Variants in COPG2 observed in about 807,000 individuals in gnomAD.
COPG2 encodes the protein coat protein complex I subunit gamma 2, also known as coatomer subunit gamma-2.
A neutral mutation model predicts 46.3 loss-of-function variants in COPG2; 37 were observed. The observed-to-expected ratio is 0.80, with a 90% confidence interval of 0.61 to 1.05. The LOEUF (loss-of-function observed/expected upper bound fraction) is 1.05, where lower values mean the gene tolerates loss of function less well. COPG2 is among the 50% of genes least tolerant of loss of function. The pLI is 0.00. For missense variants in COPG2, 427 were observed against 387.8 expected (o/e 1.10, Z -0.85); for synonymous variants, 159 against 129.7 (o/e 1.23, Z -1.53).
intron 5 of COPG2, chr7:130,645,418 T>C (rs1316782477): frequency 9.6e-5 from 45 of 470,704 alleles, no homozygotes; most frequent in Non-Finnish European, 1.7e-4. Context: ...TCGGTGTCCA[T>C]GGGGTGGAGC....
At chr7:130,585,781 T>C (rs982380776) in intron 9 of COPG2, among the ~76,000 whole-genome samples, 3 of 152,020 alleles carry the variant, frequency 2.0e-5, no homozygotes, top group Non-Finnish European at 4.4e-5. Context: ...ACCTTACTCC[T>C]GCAAGAATGG....
intron 5 of COPG2, among the ~76,000 whole-genome samples, chr7:130,620,546 C>T (rs1795021492): frequency 6.6e-6 from 1 of 152,142 alleles, no homozygotes; most frequent in Non-Finnish European, 1.5e-5. Context: ...CTTTTCTTTC[C>T]TCTCATTGTC....
intron 5 of COPG2, among the ~76,000 whole-genome samples, chr7:130,634,527 G>T (rs1554455800): frequency 6.6e-6 from 1 of 152,100 alleles, no homozygotes; most frequent in African/African-American, 2.4e-5. Context: ...GTCTATTATT[G>T]ATATATAGGA....
At chr7:130,590,699 G>A (rs1243839292) in intron 9 of COPG2, among the ~76,000 whole-genome samples, 113 of 151,800 alleles carry the variant, frequency 7.4e-4, no homozygotes, top group African/African-American at 1.6e-3. Flanking sequence ...AGTGAGGAGC[G>A]TCTCTGCCTG....
At chr7:130,639,102 T>C (rs13243136) in intron 5 of COPG2, among the ~76,000 whole-genome samples, 64,457 of 151,926 alleles carry the variant, frequency 0.42, 16,592 homozygotes, top group East Asian at 0.59. Flanking sequence ...GGTACCTCGG[T>C]TGGAAATGCA....
At chr7:130,545,285 C>T (rs887033680) in intron 20 of COPG2, among the ~76,000 whole-genome samples, 6 of 152,058 alleles carry the variant, frequency 3.9e-5, no homozygotes, top group African/African-American at 1.4e-4. Context: ...CATTCAAATC[C>T]TCATCTGTCT....
intron 9 of COPG2, among the ~76,000 whole-genome samples, chr7:130,609,408 G>A (rs1377194303): frequency 6.6e-6 from 1 of 152,160 alleles, no homozygotes; most frequent in African/African-American, 2.4e-5. Context: ...TTTGCCTGCT[G>A]CCATCCATTC....
chr7:130,567,865 GA>G (rs1584975858), intron 9 of COPG2, among the ~76,000 whole-genome samples: 1 of 151,674 alleles, frequency 6.6e-6, no homozygotes, highest in Non-Finnish European at 1.5e-5. Flanking sequence ...CCTCCTTAAA[GA>G]AAAAAATCTC....
At chr7:130,530,591 G>A (rs907146371) in intron 20 of COPG2, among the ~76,000 whole-genome samples, 1 of 152,298 alleles carries the variant, frequency 6.6e-6, no homozygotes, top group African/African-American at 2.4e-5. Context: ...GACTGAGCCC[G>A]ATGAAGCAAT....
At chr7:130,637,268 C>T in intron 5 of COPG2, among the ~76,000 whole-genome samples, 1 of 152,152 alleles carries the variant, frequency 6.6e-6, no homozygotes, top group East Asian at 1.9e-4. Context: ...GAATGTTGGC[C>T]TGTCTTGCTA....
intron 20 of COPG2, among the ~76,000 whole-genome samples, chr7:130,526,226 G>A (rs1006783842): frequency 3.9e-4 from 60 of 152,262 alleles, no homozygotes; most frequent in Middle Eastern, 3.4e-3. Context: ...AGATCTGGAG[G>A]AGCAACAGAA....
At chr7:130,512,511 G>T (rs1788862995) in intron 20 of COPG2, among the ~76,000 whole-genome samples, 1 of 151,984 alleles carries the variant, frequency 6.6e-6, no homozygotes, top group Non-Finnish European at 1.5e-5. Context: ...CGGGTGCAGT[G>T]GCTCACACTT....
rs939188322 is a variant in COPG2, at chr7:130,555,130, C to T, written c.1131G>A (p.Val377=). 5.0e-6 allele frequency: 2 copies of T among 398,232 alleles called. No individual in the cohort carries two copies. The allele number at this position is 398,232 out of a possible 1,614,324, so 24.7% of individuals were successfully genotyped here. A position where few individuals can be genotyped will look rare whatever the true frequency, so the allele number is the denominator to read the frequency against. The change falls in exon 13 of 24, where the codon GTG becomes GTA. Residue 377 remains valine, a splice_region_variant and synonymous_variant. Coordinates refer to ENST00000425248, the MANE Select transcript of COPG2 (RefSeq NM_012133.6). The part of the protein sequence containing the change: ...FVSEISDEFK[V]VVVQAISALC... ...GAGCACTAATTGCCTGTACAACCAC[C>T]ACCTGTAGAAAAACAAAAAGAATAT...
At chr7:130,580,477 G>A (rs1243968993) in intron 9 of COPG2, among the ~76,000 whole-genome samples, 7 of 122,720 alleles carry the variant, frequency 5.7e-5, no homozygotes, top group South Asian at 3.0e-4. Flanking sequence ...CTAGCAGAAG[G>A]CAAGAAATAA....
intron 4 of COPG2, among the ~76,000 whole-genome samples, chr7:130,661,454 A>G (rs1254984504): frequency 6.6e-6 from 1 of 152,212 alleles, no homozygotes; most frequent in Non-Finnish European, 1.5e-5. Flanking sequence ...TTCCTCTAAT[A>G]AACACCTAAT....
chr7:130,596,182 G>A (rs1234286697), intron 9 of COPG2, among the ~76,000 whole-genome samples: 1 of 152,212 alleles, frequency 6.6e-6, no homozygotes, highest in Admixed American at 6.5e-5. Flanking sequence ...TTCCTGGGAA[G>A]TCTTCTGTTC....
chr7:130,622,274 C>T (rs1795053523), intron 5 of COPG2, among the ~76,000 whole-genome samples: 1 of 152,278 alleles, frequency 6.6e-6, no homozygotes, highest in South Asian at 2.1e-4. Flanking sequence ...CCTGGCTGAA[C>T]GTTAACCCCA....
intron 20 of COPG2, among the ~76,000 whole-genome samples, chr7:130,521,906 G>A (rs1209371342): frequency 2.6e-5 from 4 of 152,116 alleles, no homozygotes; most frequent in Non-Finnish European, 5.9e-5. Flanking sequence ...ATGCATCAGA[G>A]TAGAATATTA....
chr7:130,588,794 A>G (rs1473061005), intron 9 of COPG2, among the ~76,000 whole-genome samples: 1 of 150,818 alleles, frequency 6.6e-6, no homozygotes, highest in African/African-American at 2.5e-5. Context: ...CTTAAAGTAT[A>G]ATAATAAAAA....
Sources: allele counts gnomAD v4.1 joint callset (sites outside exome capture counted in the v4.1 genomes callset), GRCh38; gene constraint gnomAD v4.1.1; transcripts MANE v1.5; gene names NCBI Gene and HGNC (gene_info 2026-07-23, HGNC 2026-07-21).